The following CACNA1C variants were observed in gnomAD, a reference collection of about 807,000 sequenced individuals.
The protein encoded by CACNA1C is calcium voltage-gated channel subunit alpha1 C.
A neutral mutation model predicts 229.0 loss-of-function variants in CACNA1C; 30 were observed. The observed-to-expected ratio is 0.13, with a 90% CI of 0.10 to 0.18. CACNA1C has a LOEUF of 0.18. CACNA1C is among the 10% of genes least tolerant of loss of function. CACNA1C has a pLI of 1.00. For synonymous variants in CACNA1C, 1,114 were observed against 1,132.5 expected (o/e 0.98, Z 0.33); for missense variants, 1,658 against 2,845.0 (o/e 0.58, Z 9.49).
intron 29 of CACNA1C, among the ~76,000 whole-genome samples, chr12:2,619,350 C>T (rs553219777): frequency 5.3e-5 from 8 of 152,336 alleles, no homozygotes; most frequent in Middle Eastern, 3.4e-3. Context: ...GGGGAGTTTG[C>T]GCCCAGCCCT....
At chr12:2,615,364 T>C (rs2079926685) in intron 29 of CACNA1C, among the ~76,000 whole-genome samples, 1 of 152,222 alleles carries the variant, frequency 6.6e-6, no homozygotes, top group Non-Finnish European at 1.5e-5. Context: ...AAATATGCAA[T>C]GCCTGGGGAA....
At position 2,181,894 on chromosome 12, in the gene CACNA1C, G is replaced by C. The variant is rs74443591; in HGVS notation, c.477+61464G>C. Among the ~76,000 whole-genome samples, 632 of 152,102 alleles carry C rather than the reference G, an allele frequency of 4.2e-3. 5 individuals are homozygous for C. The highest frequency in any genetic ancestry group is 0.014 in the African/African-American group (594 of 41,472). On this transcript the variant is annotated intron_variant, in intron 3 of 46. Transcript: ENST00000399655. This position sits in a 1 kb window ranked among gnomAD's most constrained non-coding sequence, Gnocchi z 4.0. ...ATGCAGGCAAGATGTGTGTTAAGGGGGTCCTGCAGAGTGGGGGTAAACTGA... is the reference window on the plus strand; with the variant it reads ...ATGCAGGCAAGATGTGTGTTAAGGGCGTCCTGCAGAGTGGGGGTAAACTGA...
intron 3 of CACNA1C, among the ~76,000 whole-genome samples, chr12:2,388,048 A>G (rs2098422755): frequency 6.6e-6 from 1 of 152,208 alleles, no homozygotes; most frequent in Admixed American, 6.5e-5. Context: ...GGGTTTCAGA[A>G]GCAGAATCAT....
chr12:2,590,208 A>G (rs1287847292), intron 18 of CACNA1C, among the ~76,000 whole-genome samples: 1 of 152,182 alleles, frequency 6.6e-6, no homozygotes, highest in African/African-American at 2.4e-5. Context: ...AGTGAGGATG[A>G]GCATCAGATG....
chr12:2,478,529 A>C (rs1336253433), intron 5 of CACNA1C, among the ~76,000 whole-genome samples: 1 of 152,162 alleles, frequency 6.6e-6, no homozygotes, highest in Non-Finnish European at 1.5e-5. Context: ...TCCCACTGAG[A>C]CCTGTGTCAC....
At position 2,259,327 on chromosome 12, in the gene CACNA1C, A is replaced by C. The variant is rs558518363; in HGVS notation, c.477+138897A>C. Among the ~76,000 whole-genome samples, 8 of 152,376 alleles carry C rather than the reference A, an allele frequency of 5.3e-5. No homozygotes were observed. In the South Asian group the frequency reaches 1.4e-3, roughly 28 times the overall value. ...TGAAGTTTGAGACTGGTTAGCTTAA[A>C]ACAGCCTCTGAGAGGGGCTGCAAGC... On this transcript the variant is annotated intron_variant, in intron 3 of 46. Transcript: ENST00000399655.
chr12:2,158,752 G>GA (rs2095677115), intron 3 of CACNA1C, among the ~76,000 whole-genome samples: 1 of 151,992 alleles, frequency 6.6e-6, no homozygotes, highest in Non-Finnish European at 1.5e-5. Context: ...AAAACAAAAA[G>GA]AAAAAAATAA....
At chr12:2,115,949 T>A (rs985964066) in intron 2 of CACNA1C, among the ~76,000 whole-genome samples, 1 of 152,340 alleles carries the variant, frequency 6.6e-6, no homozygotes, top group African/African-American at 2.4e-5. Context: ...TTCCCTTCTT[T>A]CCCTTCTGTG....
intron 30 of CACNA1C, among the ~76,000 whole-genome samples, chr12:2,644,652 C>A (rs1180655668): frequency 1.3e-5 from 2 of 152,178 alleles, no homozygotes; most frequent in Middle Eastern, 3.2e-3. Flanking sequence ...CTGGCATTCC[C>A]TGAGTATCGC....
intron 1 of CACNA1C, among the ~76,000 whole-genome samples, chr12:2,021,135 T>C (rs2046371816): frequency 6.6e-6 from 1 of 152,218 alleles, no homozygotes; most frequent in Non-Finnish European, 1.5e-5. Context: ...ACTGCCTTTT[T>C]GCTAGGTAAT....
At chr12:2,070,268 C>T (rs985114939) in intron 1 of CACNA1C, among the ~76,000 whole-genome samples, 1 of 152,204 alleles carries the variant, frequency 6.6e-6, no homozygotes, top group Non-Finnish European at 1.5e-5. Flanking sequence ...CCTGGCCTTG[C>T]ATATGAAACT....
At chr12:2,579,445 C>A (rs116792455) in intron 13 of CACNA1C, among the ~76,000 whole-genome samples, 1 of 151,978 alleles carries the variant, frequency 6.6e-6, no homozygotes, top group African/African-American at 2.4e-5. Context: ...GACTGGTCGC[C>A]TGAGGATTAC....
chr12:2,182,656 C>T lies in CACNA1C; in HGVS notation c.477+62226C>T, dbSNP rs1006604946. On this transcript the variant is annotated intron_variant, in intron 3 of 46. Transcript: ENST00000399655. Reference sequence around the variant, plus strand: ...CTAATTCCTCCACAGAACATTTGTCCGGTGCTCACTGTGGACTGGAAGTGT... The same window carrying T: ...CTAATTCCTCCACAGAACATTTGTCTGGTGCTCACTGTGGACTGGAAGTGT... Among the ~76,000 whole-genome samples, 12 of 152,118 alleles carry T rather than the reference C, an allele frequency of 7.9e-5. No homozygotes were observed. The East Asian group carries it at 1.7e-3, about 22-fold the overall frequency.
At position 2,524,673 on chromosome 12, in the gene CACNA1C, G is replaced by A. The variant is rs144072664; in HGVS notation, c.1390+11689G>A. 1.4e-3 allele frequency among the ~76,000 whole-genome samples: 217 copies of A among 152,340 alleles called. 3 individuals carry two copies. The highest frequency in any genetic ancestry group is 5.0e-3 in the African/African-American group (206 of 41,582). On this transcript the variant is annotated intron_variant, in intron 9 of 46. Coordinates refer to ENST00000399655, the MANE Select transcript of CACNA1C (RefSeq NM_000719.7). ...CTTTTGTGGCTTTGCCACCCCCGGG[G>A]CCTCACAGTCTCCCCTGTCTGCTCT...
intron 3 of CACNA1C, among the ~76,000 whole-genome samples, chr12:2,240,495 G>A (rs1238905629): frequency 2.6e-5 from 4 of 152,218 alleles, no homozygotes; most frequent in Non-Finnish European, 5.9e-5. Flanking sequence ...CACTGATAGG[G>A]CTCCAGGCAT....
At chr12:2,304,492 C>T (rs944967317) in intron 3 of CACNA1C, among the ~76,000 whole-genome samples, 4 of 152,184 alleles carry the variant, frequency 2.6e-5, no homozygotes, top group Non-Finnish European at 4.4e-5. Context: ...CATCCTGACA[C>T]GTTTGTCCCC....
In CACNA1C at chr12:2,212,216, C is replaced by T. The variant is rs1388269750; in HGVS notation, c.477+91786C>T. On this transcript the variant is annotated intron_variant, in intron 3 of 46. Coordinates refer to ENST00000399655, the MANE Select transcript of CACNA1C (RefSeq NM_000719.7). ...TTGTTTCCTAAATGTGTGTTTCTTG[C>T]ACTGATAGCAAAATTAGCCACTGTT... 2.6e-5 allele frequency among the ~76,000 whole-genome samples: 4 copies of T among 152,192 alleles called. No homozygotes were observed. The East Asian group carries it at 5.8e-4, about 22-fold the overall frequency.
intron 1 of CACNA1C, among the ~76,000 whole-genome samples, chr12:2,090,120 C>G (rs11062117): frequency 6.6e-6 from 1 of 152,124 alleles, no homozygotes; most frequent in South Asian, 2.1e-4. Context: ...AACCACCATT[C>G]TACTCTCTGT....
chr12:2,339,762 A>G (rs1255290253), intron 3 of CACNA1C, among the ~76,000 whole-genome samples: 2 of 152,176 alleles, frequency 1.3e-5, no homozygotes, highest in East Asian at 1.9e-4. Context: ...TGAGACCACC[A>G]TTGTGTATGT....
Sources: gnomAD v4.1 joint callset for allele counts (sites outside exome capture counted in the v4.1 genomes callset) on GRCh38, gnomAD v4.1.1 for gene constraint, Gnocchi (gnomAD v3.1) non-coding constraint, MANE v1.5 for transcripts, NCBI Gene and HGNC (gene_info 2026-07-23, HGNC 2026-07-21) for gene names.